LHFPL2: variants seen among roughly 807,000 people sequenced by gnomAD.
The protein encoded by LHFPL2 is LHFPL tetraspan subfamily member 2 protein.
In LHFPL2, 7 loss-of-function variants were observed where a neutral mutation model predicts 17.5. The ratio of observed to expected loss-of-function variants is 0.40; its 90% CI spans 0.23 to 0.75. The LOEUF is 0.75. Among genes scored for constraint, LHFPL2 ranks in the 30% least tolerant of loss-of-function variants. LHFPL2 has a pLI of 0.37. For missense variants in LHFPL2, 241 were observed against 294.8 expected, an observed-to-expected ratio of 0.82 and a Z score of 1.34; for synonymous variants, 134 against 116.2, an observed-to-expected ratio of 1.15 and a Z score of -0.99.
At chr5:78,555,806 G>T (rs561329013) in intron 3 of LHFPL2, among the ~76,000 whole-genome samples, 1 of 152,302 alleles carries the variant, frequency 6.6e-6, no homozygotes, top group South Asian at 2.1e-4. Context: ...GAGAAAAGGG[G>T]ACCAAAGATG....
At chr5:78,492,836 A>ACGCT (rs1754489892) in intron 4 of LHFPL2, among the ~76,000 whole-genome samples, 1 of 152,226 alleles carries the variant, frequency 6.6e-6, no homozygotes, top group Non-Finnish European at 1.5e-5. Context: ...TGCCAACCAC[A>ACGCT]CGCTGCAACC....
intron 2 of LHFPL2, among the ~76,000 whole-genome samples, chr5:78,596,917 GCA>G (rs1743846158): frequency 6.6e-6 from 1 of 152,162 alleles, no homozygotes; most frequent in African/African-American, 2.4e-5. Flanking sequence ...TGCCCATGTT[GCA>G]CAGTCTATAC....
intron 2 of LHFPL2, among the ~76,000 whole-genome samples, chr5:78,628,640 C>T (rs1312901751): frequency 6.6e-6 from 1 of 152,120 alleles, no homozygotes; most frequent in African/African-American, 2.4e-5. Flanking sequence ...AAAACACAGG[C>T]CCACTCAAAC....
intron 2 of LHFPL2, among the ~76,000 whole-genome samples, chr5:78,629,683 G>A (rs943978698): frequency 3.9e-5 from 6 of 152,160 alleles, no homozygotes; most frequent in Admixed American, 1.3e-4. Context: ...AGGAAACTGC[G>A]ATGCAGAGCC....
chr5:78,605,478 T>C (rs955382095), intron 2 of LHFPL2, among the ~76,000 whole-genome samples: 13 of 152,190 alleles, frequency 8.5e-5, no homozygotes, highest in African/African-American at 3.1e-4. Context: ...CCAGCCTCTT[T>C]CAAAATACAC....
At chr5:78,514,594 A>G (rs1295677614) in intron 3 of LHFPL2, among the ~76,000 whole-genome samples, 1 of 152,192 alleles carries the variant, frequency 6.6e-6, no homozygotes, top group East Asian at 1.9e-4. Flanking sequence ...CAGGGAAGAA[A>G]GTGTATGTGA....
At chr5:78,610,184 C>T (rs1056182140) in intron 2 of LHFPL2, among the ~76,000 whole-genome samples, 4 of 152,264 alleles carry the variant, frequency 2.6e-5, no homozygotes, top group Admixed American at 1.3e-4. Flanking sequence ...CTGACACCCA[C>T]GCCACACTGT....
intron 2 of LHFPL2, among the ~76,000 whole-genome samples, chr5:78,580,265 G>C (rs1484417976): frequency 6.6e-6 from 1 of 152,100 alleles, no homozygotes; most frequent in Non-Finnish European, 1.5e-5. Flanking sequence ...AGATGAGTAG[G>C]TTGCAAAAAT....
At chr5:78,570,828 G>A (rs1426598834) in intron 2 of LHFPL2, among the ~76,000 whole-genome samples, 1 of 151,988 alleles carries the variant, frequency 6.6e-6, no homozygotes, top group Non-Finnish European at 1.5e-5. Flanking sequence ...TGGGGAATAG[G>A]CCAGGCAAAC....
At chr5:78,533,914 C>A (rs1009235949) in intron 3 of LHFPL2, among the ~76,000 whole-genome samples, 1 of 152,206 alleles carries the variant, frequency 6.6e-6, no homozygotes, top group African/African-American at 2.4e-5. Context: ...GCTATTAGTA[C>A]AACAGAGGAG....
At chr5:78,586,230 C>T (rs953159448) in intron 2 of LHFPL2, among the ~76,000 whole-genome samples, 7 of 152,092 alleles carry the variant, frequency 4.6e-5, no homozygotes, top group Admixed American at 1.3e-4. Flanking sequence ...TTTCCTCATC[C>T]GAAACATGGG....
At chr5:78,524,742 CA>C (rs34179854) in intron 3 of LHFPL2, among the ~76,000 whole-genome samples, 46,059 of 117,596 alleles carry the variant, frequency 0.39, 7,361 homozygotes, top group Middle Eastern at 0.47. Context: ...ACCCTGTTCT[CA>C]AAAAAAAAAA....
intron 3 of LHFPL2, among the ~76,000 whole-genome samples, chr5:78,546,417 C>T (rs1580795404): frequency 6.6e-6 from 1 of 152,342 alleles, no homozygotes; most frequent in African/African-American, 2.4e-5. Flanking sequence ...CCTATCCCCA[C>T]CCCCACTACT....
chr5:78,582,857 C>T (rs374423327), intron 2 of LHFPL2, among the ~76,000 whole-genome samples: 3 of 152,108 alleles, frequency 2.0e-5, no homozygotes, highest in East Asian at 3.9e-4. Context: ...CTTTCTGTCT[C>T]GTTGATCTGT....
chr5:78,607,203 C>T (rs780857318), intron 2 of LHFPL2, among the ~76,000 whole-genome samples: 6 of 152,136 alleles, frequency 3.9e-5, no homozygotes, highest in Non-Finnish European at 7.3e-5. Flanking sequence ...CTCTCTGCCT[C>T]CCAGGTTCAA....
At chr5:78,579,417 G>A (rs1742996882) in intron 2 of LHFPL2, among the ~76,000 whole-genome samples, 1 of 151,984 alleles carries the variant, frequency 6.6e-6, no homozygotes, top group African/African-American at 2.4e-5. Flanking sequence ...ATGTATACAT[G>A]TGCCATGCTG....
chr5:78,610,922 C>G (rs1744404098), intron 2 of LHFPL2, among the ~76,000 whole-genome samples: 2 of 150,596 alleles, frequency 1.3e-5, no homozygotes, highest in Admixed American at 1.3e-4. Flanking sequence ...AAAAAAAAAG[C>G]ATTGCACGGG....
Position 78,648,144 on chromosome 5 carries a change from C to T in LHFPL2, c.-350+355G>A, listed in dbSNP as rs1745952781. Among the ~76,000 whole-genome samples, 1 of 152,160 alleles carries T rather than the reference C, an allele frequency of 6.6e-6. No individual in the cohort carries two copies. The highest frequency in any genetic ancestry group is 6.5e-5 in the Admixed American group (1 of 15,290). Reference sequence around the variant, plus strand: ...GGCGCCCAGCTGCGCCTGGGACCCACGCGCCGCCGTCCGAAGCCCGCCAGC... The same window carrying T: ...GGCGCCCAGCTGCGCCTGGGACCCATGCGCCGCCGTCCGAAGCCCGCCAGC... On this transcript the variant is annotated intron_variant, in intron 1 of 4. Coordinates refer to ENST00000380345, the MANE Select transcript of LHFPL2 (RefSeq NM_005779.3). This position sits in a 1 kb window ranked among gnomAD's most constrained non-coding sequence, Gnocchi z 5.4.
intron 2 of LHFPL2, among the ~76,000 whole-genome samples, chr5:78,576,561 TG>T (rs1561347080): frequency 6.6e-6 from 1 of 152,180 alleles, no homozygotes. Context: ...GCCACTATGC[TG>T]TAGGCGTCTG....
Sources: allele counts gnomAD v4.1 joint callset (sites outside exome capture counted in the v4.1 genomes callset), GRCh38; gene constraint gnomAD v4.1.1; non-coding constraint Gnocchi (gnomAD v3.1); transcripts MANE v1.5; gene names NCBI Gene and HGNC (gene_info 2026-07-23, HGNC 2026-07-21).